RELN: variants seen among roughly 807,000 people sequenced by gnomAD.
The protein encoded by RELN is reelin.
Under a neutral mutation model 427.6 loss-of-function variants are expected in RELN, and 108 were observed. The ratio of observed to expected loss-of-function variants is 0.25; its 90% CI spans 0.22 to 0.30. The LOEUF is 0.30. Among genes scored for constraint, RELN ranks in the 10% least tolerant of loss-of-function variants. RELN has a pLI of 1.00. For synonymous variants in RELN, 1,524 were observed against 1,513.4 expected, an observed-to-expected ratio of 1.01 and a Z score of -0.16; for missense variants, 3,715 against 4,302.8, an observed-to-expected ratio of 0.86 and a Z score of 3.82.
chr7:103,655,869 G>C (rs895105370), intron 12 of RELN, among the ~76,000 whole-genome samples: 1 of 152,022 alleles, frequency 6.6e-6, no homozygotes, highest in Non-Finnish European at 1.5e-5. Context: ...AAATTACTGG[G>C]TGATATATAT....
chr7:103,490,188 T>C (rs1828601334), intron 59 of RELN, among the ~76,000 whole-genome samples: 1 of 152,248 alleles, frequency 6.6e-6, no homozygotes, highest in Admixed American at 6.5e-5. Context: ...GTGTATCGTT[T>C]TCCAAATCTT....
chr7:103,583,307 G>A (rs984405781), intron 28 of RELN, among the ~76,000 whole-genome samples: 5 of 152,058 alleles, frequency 3.3e-5, no homozygotes, highest in African/African-American at 9.7e-5. Flanking sequence ...CACCATAATC[G>A]TGTGAACCAA....
intron 15 of RELN, among the ~76,000 whole-genome samples, chr7:103,651,403 T>C (rs929129064): frequency 2.0e-5 from 3 of 152,050 alleles, no homozygotes; most frequent in Non-Finnish European, 2.9e-5. Context: ...AGAACTGCCA[T>C]ATAGAATTTA....
intron 6 of RELN, among the ~76,000 whole-genome samples, chr7:103,745,042 C>T (rs1057425860): frequency 6.6e-6 from 1 of 152,170 alleles, no homozygotes; most frequent in Non-Finnish European, 1.5e-5. Flanking sequence ...CCGAATCCAG[C>T]AGCACATCGA....
At chr7:103,926,986 T>C (rs1795759337) in intron 1 of RELN, among the ~76,000 whole-genome samples, 1 of 152,220 alleles carries the variant, frequency 6.6e-6, no homozygotes, top group Non-Finnish European at 1.5e-5. Context: ...TCTCTTTTAG[T>C]ACTTCCATAT....
intron 10 of RELN, among the ~76,000 whole-genome samples, chr7:103,691,199 T>C (rs1833864079): frequency 6.6e-6 from 1 of 152,168 alleles, no homozygotes; most frequent in Non-Finnish European, 1.5e-5. Flanking sequence ...CTCCAAATCA[T>C]ATAAAGTCCT....
At chr7:103,748,643 CAG>C (rs1289990860) in intron 6 of RELN, among the ~76,000 whole-genome samples, 4 of 152,184 alleles carry the variant, frequency 2.6e-5, no homozygotes, top group African/African-American at 7.2e-5. Context: ...GAAAATAAAA[CAG>C]AAATGAATAT....
chr7:103,633,729 T>G (rs986929340), intron 19 of RELN, among the ~76,000 whole-genome samples: 6 of 152,138 alleles, frequency 3.9e-5, no homozygotes, highest in African/African-American at 1.4e-4. Context: ...TATAGATTGA[T>G]TACTGAATTT....
chr7:103,913,455 CAG>C (rs1795413568), intron 2 of RELN, among the ~76,000 whole-genome samples: 1 of 152,118 alleles, frequency 6.6e-6, no homozygotes, highest in African/African-American at 2.4e-5. Flanking sequence ...TCAAAAAAGT[CAG>C]AGACTAATGA....
chr7:103,541,857 T>C (rs1830184051), intron 43 of RELN, among the ~76,000 whole-genome samples: 1 of 152,076 alleles, frequency 6.6e-6, no homozygotes, highest in Admixed American at 6.5e-5. Context: ...TTTTTATAAC[T>C]GTGTAATTAT....
At chr7:103,938,114 A>T (rs1360306789) in intron 1 of RELN, among the ~76,000 whole-genome samples, 2 of 152,076 alleles carry the variant, frequency 1.3e-5, no homozygotes, top group Non-Finnish European at 2.9e-5. Flanking sequence ...TGAGGTCAGG[A>T]GTTAGAGACC....
At chr7:103,926,627 G>GTTTTTTTTTTTTTTTTTTTTTTTTTTT (rs60259062) in intron 1 of RELN, among the ~76,000 whole-genome samples, 1 of 99,462 alleles carries the variant, frequency 1.0e-5, no homozygotes, top group African/African-American at 3.6e-5. Context: ...AGTATCATAA[G>GTTTTTTTTTTTTTTTTTTTTTTTTTTT]TTTTTTTTTT....
At chr7:103,705,636 A>G (rs1490628296) in intron 8 of RELN, among the ~76,000 whole-genome samples, 1 of 152,228 alleles carries the variant, frequency 6.6e-6, no homozygotes, top group Non-Finnish European at 1.5e-5. Context: ...GATATAAGAT[A>G]TCTTCCAGAG....
At chr7:103,723,580 A>C (rs1790131260) in intron 7 of RELN, among the ~76,000 whole-genome samples, 1 of 152,214 alleles carries the variant, frequency 6.6e-6, no homozygotes, top group Non-Finnish European at 1.5e-5. Flanking sequence ...ATGTAGCAAA[A>C]GGGCTACCGA....
intron 6 of RELN, among the ~76,000 whole-genome samples, chr7:103,729,264 A>C (rs1028512234): frequency 2.0e-5 from 3 of 152,094 alleles, no homozygotes; most frequent in Admixed American, 6.6e-5. Flanking sequence ...TGTTTAGGAG[A>C]TTATTGTATT....
intron 64 of RELN, among the ~76,000 whole-genome samples, chr7:103,475,781 A>T (rs78169838): frequency 0.012 from 1,833 of 152,338 alleles, 33 homozygotes; most frequent in African/African-American, 0.042. Context: ...TGAGAAAATA[A>T]ATACTAGCAG....
intron 10 of RELN, among the ~76,000 whole-genome samples, chr7:103,690,406 C>T (rs546898212): frequency 9.9e-5 from 15 of 152,162 alleles, no homozygotes; most frequent in African/African-American, 3.6e-4. Flanking sequence ...GAAGAATGTG[C>T]CTTTCGTTCT....
intron 7 of RELN, among the ~76,000 whole-genome samples, chr7:103,723,647 G>A (rs1790132924): frequency 6.6e-6 from 1 of 152,142 alleles, no homozygotes; most frequent in African/African-American, 2.4e-5. Context: ...ATTTTGAAAA[G>A]GAAATAGAAC....
intron 2 of RELN, among the ~76,000 whole-genome samples, chr7:103,875,095 C>G (rs1166760383): frequency 6.9e-6 from 1 of 145,596 alleles, no homozygotes; most frequent in South Asian, 2.5e-4. Context: ...CTGAGAAAAA[C>G]AAGCAATGGG....
Sources: allele counts gnomAD v4.1 joint callset (sites outside exome capture counted in the v4.1 genomes callset), GRCh38; gene constraint gnomAD v4.1.1; transcripts MANE v1.5; gene names NCBI Gene and HGNC (gene_info 2026-07-23, HGNC 2026-07-21).